Variants in VRK2 observed in about 807,000 individuals in gnomAD.
VRK2 encodes the protein VRK serine/threonine kinase 2, also known as serine/threonine-protein kinase VRK2.
Under a neutral mutation model 57.6 loss-of-function variants are expected in VRK2, and 60 were observed. The ratio of observed to expected loss-of-function variants is 1.04; its 90% CI spans 0.85 to 1.29. The LOEUF is 1.29. VRK2 is among the 50% of genes most tolerant of loss of function. The pLI is 0.00. For synonymous variants in VRK2, 231 were observed against 199.2 expected, an observed-to-expected ratio of 1.16 and a Z score of -1.35; for missense variants, 705 against 588.1, an observed-to-expected ratio of 1.20 and a Z score of -2.06.
At chr2:58,147,682 C>G (rs369588307) in intron 12 of VRK2, among the ~76,000 whole-genome samples, 2 of 151,840 alleles carry the variant, frequency 1.3e-5, no homozygotes, top group African/African-American at 2.4e-5. Flanking sequence ...CCTCTTCCCC[C>G]AGGGAATGTT....
At chr2:57,922,653 G>A (rs1670391894) in intron 1 of VRK2, among the ~76,000 whole-genome samples, 1 of 151,764 alleles carries the variant, frequency 6.6e-6, no homozygotes, top group African/African-American at 2.4e-5. Flanking sequence ...GGTTACATGA[G>A]ATATTTTGAT....
At chr2:58,113,167 G>A (rs1034860925) in intron 7 of VRK2, among the ~76,000 whole-genome samples, 3 of 151,958 alleles carry the variant, frequency 2.0e-5, no homozygotes, top group African/African-American at 7.3e-5. Context: ...AAATTAGCTG[G>A]GCGTGGTGGC....
chr2:57,982,872 T>C (rs1672474686), intron 1 of VRK2, among the ~76,000 whole-genome samples: 1 of 152,130 alleles, frequency 6.6e-6, no homozygotes, highest in South Asian at 2.1e-4. Flanking sequence ...CCATCAAGGC[T>C]CCACACGGGC....
chr2:58,149,599 C>G (rs1036109863), intron 12 of VRK2, among the ~76,000 whole-genome samples: 17 of 151,456 alleles, frequency 1.1e-4, no homozygotes, highest in African/African-American at 3.9e-4. Flanking sequence ...GTGACAGTGG[C>G]CATCCTTGCT....
At chr2:58,076,938 A>G (rs986158735) in intron 2 of VRK2, among the ~76,000 whole-genome samples, 1 of 152,078 alleles carries the variant, frequency 6.6e-6, no homozygotes, top group Admixed American at 6.6e-5. Context: ...GTGATATATT[A>G]TAAAATAGCA....
chr2:58,032,238 CG>C lies in VRK2; in HGVS notation c.-332-987del, dbSNP rs1274012174. On this transcript the variant is annotated intron_variant, in intron 2 of 15. Transcript: ENST00000417641. ...TAGGTTTTAGTTGATCTAAGTGTCCCGGTATGTTGTCTTAGTCAGCTCAGGC... is the reference window on the plus strand; with the variant it reads ...TAGGTTTTAGTTGATCTAAGTGTCCCGTATGTTGTCTTAGTCAGCTCAGGC... Among the ~76,000 whole-genome samples the C allele has an allele frequency of 2.0e-5, 3 of 152,112 alleles. No individual in the cohort carries two copies. The East Asian group carries it at 5.8e-4, about 29-fold the overall frequency.
At chr2:58,147,131 A>G in intron 12 of VRK2, 1 of 517,994 alleles carries the variant, frequency 1.9e-6, no homozygotes, top group South Asian at 1.4e-5. Context: ...CCCACCTTGT[A>G]TACCCTACCT....
chr2:58,158,190 T>C (rs904773087), intron 12 of VRK2, among the ~76,000 whole-genome samples: 1 of 152,196 alleles, frequency 6.6e-6, no homozygotes, highest in Non-Finnish European at 1.5e-5. Context: ...GATAGCATAA[T>C]TATTATTTGT....
intron 12 of VRK2, among the ~76,000 whole-genome samples, chr2:58,150,782 A>G (rs889163634): frequency 6.6e-6 from 1 of 151,436 alleles, no homozygotes; most frequent in African/African-American, 2.4e-5. Flanking sequence ...ATAAATATGT[A>G]AGCTGTGCTT....
chr2:58,015,177 G>T (rs1673543112), intron 1 of VRK2, among the ~76,000 whole-genome samples: 1 of 152,144 alleles, frequency 6.6e-6, no homozygotes, highest in Non-Finnish European at 1.5e-5. Flanking sequence ...GTCCTCTTGT[G>T]TGGCTACATC....
At chr2:58,062,861 A>C (rs763328401) in intron 2 of VRK2, among the ~76,000 whole-genome samples, 16 of 152,250 alleles carry the variant, frequency 1.1e-4, no homozygotes, top group Non-Finnish European at 2.1e-4. Context: ...AGCTGAGATC[A>C]ATGATGAAGG....
chr2:58,120,938 T>C (rs959799495), intron 7 of VRK2, among the ~76,000 whole-genome samples: 2 of 152,358 alleles, frequency 1.3e-5, no homozygotes, highest in South Asian at 4.1e-4. Context: ...CACTGAAGTT[T>C]AGTTCAAACT....
intron 8 of VRK2, among the ~76,000 whole-genome samples, chr2:58,129,532 T>G (rs1210604158): frequency 6.6e-6 from 1 of 152,222 alleles, no homozygotes; most frequent in Non-Finnish European, 1.5e-5. Flanking sequence ...AAAATTTTTA[T>G]AGTTAGACAT....
intron 1 of VRK2, among the ~76,000 whole-genome samples, chr2:57,971,794 A>G (rs1400709513): frequency 6.6e-6 from 1 of 151,914 alleles, no homozygotes; most frequent in Non-Finnish European, 1.5e-5. Flanking sequence ...AATTTAATAA[A>G]ATAAAAAATA....
intron 2 of VRK2, among the ~76,000 whole-genome samples, chr2:58,051,722 A>G (rs1675776415): frequency 6.6e-6 from 1 of 152,198 alleles, no homozygotes; most frequent in Non-Finnish European, 1.5e-5. Context: ...TAGCTTTGAG[A>G]TCAGTAGCCA....
chr2:58,045,984 C>G (rs950501375), upstream of VRK2, among the ~76,000 whole-genome samples: 3 of 152,158 alleles, frequency 2.0e-5, no homozygotes, highest in Non-Finnish European at 4.4e-5. Context: ...GCTGGGATTA[C>G]AGGCGTCCGC....
intron 7 of VRK2, among the ~76,000 whole-genome samples, chr2:58,108,166 C>G (rs1245551959): frequency 6.6e-6 from 1 of 152,072 alleles, no homozygotes; most frequent in Non-Finnish European, 1.5e-5. Context: ...CTCTCTTTTT[C>G]TCTATTTATT....
chr2:58,152,192 A>G (rs1176942671), intron 12 of VRK2, among the ~76,000 whole-genome samples: 1 of 151,876 alleles, frequency 6.6e-6, no homozygotes, highest in Non-Finnish European at 1.5e-5. Context: ...ATCTTTTTCT[A>G]AAGTCTTCAA....
intron 1 of VRK2, among the ~76,000 whole-genome samples, chr2:57,970,495 T>C (rs1672063864): frequency 1.3e-5 from 2 of 151,124 alleles, no homozygotes; most frequent in Non-Finnish European, 1.5e-5. Context: ...TCTTAGCACA[T>C]AGAGAAAATA....
Sources: allele counts gnomAD v4.1 joint callset (sites outside exome capture counted in the v4.1 genomes callset), GRCh38; gene constraint gnomAD v4.1.1; transcripts MANE v1.5; gene names NCBI Gene and HGNC (gene_info 2026-07-23, HGNC 2026-07-21).